The following ITGA1 variants were observed in gnomAD, a reference collection of about 807,000 sequenced individuals.
ITGA1 encodes the protein integrin subunit alpha 1, also known as integrin alpha-1.
ITGA1 carries 85 observed loss-of-function variants against 145.9 expected under a neutral mutation model. The observed-to-expected ratio is 0.58, with a 90% CI of 0.49 to 0.70. ITGA1 has a LOEUF of 0.70. Ranked by LOEUF, ITGA1 falls within the 30% of genes least tolerant of loss-of-function variation. The pLI, the probability that ITGA1 is intolerant of heterozygous loss-of-function variation, is 0.00. For synonymous variants in ITGA1, 520 were observed against 495.3 expected (o/e 1.05, Z -0.66); for missense variants, 1,351 against 1,418.7 (o/e 0.95, Z 0.77).
intron 2 of ITGA1, among the ~76,000 whole-genome samples, chr5:52,853,610 G>A (rs551498096): frequency 2.8e-4 from 43 of 152,236 alleles, no homozygotes; most frequent in South Asian, 8.3e-4. Context: ...TAATTCTTTC[G>A]AAAGAAATAT....
chr5:52,842,023 G>A (rs960494788), intron 1 of ITGA1, among the ~76,000 whole-genome samples: 9 of 152,060 alleles, frequency 5.9e-5, no homozygotes, highest in Admixed American at 1.3e-4. Flanking sequence ...GGTTCAGGTC[G>A]GTGAATTCCT....
At chr5:52,862,928 C>T (rs1749630793) in intron 3 of ITGA1, among the ~76,000 whole-genome samples, 1 of 152,102 alleles carries the variant, frequency 6.6e-6, no homozygotes, top group South Asian at 2.1e-4. Context: ...CATAAGCATA[C>T]TTATAATAGC....
At chr5:52,820,127 A>G (rs1268447884) in intron 1 of ITGA1, among the ~76,000 whole-genome samples, 1 of 151,886 alleles carries the variant, frequency 6.6e-6, no homozygotes, top group African/African-American at 2.4e-5. Context: ...TTGGCAATGC[A>G]GGCTCATTTT....
chr5:52,942,959 A>C (rs761279555), intron 26 of ITGA1, among the ~76,000 whole-genome samples: 10 of 152,182 alleles, frequency 6.6e-5, no homozygotes, highest in Non-Finnish European at 1.3e-4. Context: ...TATGAATTCT[A>C]GGAGTTTTTT....
intron 1 of ITGA1, among the ~76,000 whole-genome samples, chr5:52,822,559 A>G (rs912203585): frequency 7.2e-5 from 11 of 152,162 alleles, no homozygotes; most frequent in African/African-American, 2.2e-4. Flanking sequence ...GGGATATGGG[A>G]CACTTAGGTG....
At chr5:52,839,937 T>A (rs1236409555) in intron 1 of ITGA1, among the ~76,000 whole-genome samples, 1 of 152,154 alleles carries the variant, frequency 6.6e-6, no homozygotes, top group Admixed American at 6.5e-5. Flanking sequence ...AAAGCTCACA[T>A]CCAAGTCATC....
At chr5:52,938,593 G>A (rs897131323) in intron 24 of ITGA1, among the ~76,000 whole-genome samples, 1 of 152,152 alleles carries the variant, frequency 6.6e-6, no homozygotes, top group African/African-American at 2.4e-5. Flanking sequence ...AAAAAAAATT[G>A]TACTTTTCAT....
chr5:52,928,617 A>G (rs1029754867), intron 20 of ITGA1, among the ~76,000 whole-genome samples: 1 of 152,204 alleles, frequency 6.6e-6, no homozygotes, highest in African/African-American at 2.4e-5. Context: ...TCCCAAGCCC[A>G]GGCAACCACT....
At chr5:52,871,443 T>C (rs1450490853) in intron 6 of ITGA1, among the ~76,000 whole-genome samples, 1 of 152,196 alleles carries the variant, frequency 6.6e-6, no homozygotes, top group African/African-American at 2.4e-5. Flanking sequence ...ACCTCCTGTA[T>C]TTTTGTTTGC....
intron 6 of ITGA1, among the ~76,000 whole-genome samples, chr5:52,880,007 A>G (rs1441636457): frequency 6.6e-6 from 1 of 152,234 alleles, no homozygotes; most frequent in African/African-American, 2.4e-5. Flanking sequence ...GTTTCATCAT[A>G]TACTCTAACA....
intron 9 of ITGA1, among the ~76,000 whole-genome samples, chr5:52,895,269 A>G (rs1750208052): frequency 6.6e-6 from 1 of 152,150 alleles, no homozygotes; most frequent in Non-Finnish European, 1.5e-5. Context: ...CTTTAGAAAC[A>G]GAACACTCTA....
At position 52,897,472 on chromosome 5, in the gene ITGA1, G is replaced by A. The variant is rs1318762873; in HGVS notation, c.1108G>A (p.Ala370Thr). The change falls in exon 10 of 29, where the codon GCA becomes ACA. Residue 370 changes from alanine to threonine, a missense_variant. Ala to Thr is a moderately conservative substitution (Grantham distance 58). Coordinates refer to ENST00000282588, the MANE Select transcript of ITGA1 (RefSeq NM_181501.2). ...FALEATADQS[A>T]ASFEMEMSQT... ...TGTTATAGCCACAGCTGACCAGTCA[G>A]CAGCTTCATTTGAAATGGAAATGTC... 6.2e-7 allele frequency: 1 copy of A among 1,612,302 alleles called. No individual in the cohort carries two copies. The highest frequency in any genetic ancestry group is 8.5e-7 in the Non-Finnish European group (1 of 1,178,626).
chr5:52,854,255 T>C (rs1022112510), intron 2 of ITGA1, among the ~76,000 whole-genome samples: 6 of 152,188 alleles, frequency 3.9e-5, no homozygotes, highest in Non-Finnish European at 7.3e-5. Context: ...AATAAGTCTG[T>C]GTTGTAAAAG....
chr5:52,877,061 A>C (rs538098593), intron 6 of ITGA1, among the ~76,000 whole-genome samples: 1 of 152,226 alleles, frequency 6.6e-6, no homozygotes, highest in Non-Finnish European at 1.5e-5. Context: ...GGATTTTAAC[A>C]TATGGACCTA....
intron 23 of ITGA1, among the ~76,000 whole-genome samples, chr5:52,934,989 C>G: frequency 6.6e-6 from 1 of 151,900 alleles, no homozygotes; most frequent in South Asian, 2.1e-4. Context: ...TCAGATTTCT[C>G]CAGCCCTATT....
chr5:52,921,812 G>A (rs1198262730), intron 17 of ITGA1, among the ~76,000 whole-genome samples: 5 of 152,128 alleles, frequency 3.3e-5, no homozygotes, highest in African/African-American at 1.2e-4. Flanking sequence ...TGGCAACGTC[G>A]TTTGGTCTCT....
intron 1 of ITGA1, among the ~76,000 whole-genome samples, chr5:52,842,415 A>G (rs1292675477): frequency 2.6e-5 from 4 of 152,172 alleles, no homozygotes; most frequent in Non-Finnish European, 5.9e-5. Flanking sequence ...CTGATGTAAC[A>G]TACCTGTATT....
At chr5:52,952,301 C>A (rs563253726) in intron 28 of ITGA1, 106 bp from the exon 29 acceptor site, 6 of 512,888 alleles carry the variant, frequency 1.2e-5, no homozygotes, top group Middle Eastern at 3.1e-4. Context: ...TAGTTGTGTG[C>A]CCAGCATTGC....
At chr5:52,801,219 C>A (rs999826440) in intron 1 of ITGA1, 1 of 1,273,620 alleles carries the variant, frequency 7.9e-7, no homozygotes. Flanking sequence ...AAGAGAAAGT[C>A]TTTACTTAGC....
Sources: allele counts gnomAD v4.1 joint callset (sites outside exome capture counted in the v4.1 genomes callset), GRCh38; gene constraint gnomAD v4.1.1; transcripts MANE v1.5; gene names NCBI Gene and HGNC (gene_info 2026-07-23, HGNC 2026-07-21).